MYO9B: variants seen among roughly 807,000 people sequenced by gnomAD.
MYO9B encodes unconventional myosin-IXb.
A neutral mutation model predicts 229.5 loss-of-function variants in MYO9B; 71 were observed. That is an observed-to-expected ratio of 0.31 (90% CI 0.26 to 0.38). MYO9B has a LOEUF of 0.38. Ranked by LOEUF, MYO9B falls within the 10% of genes least tolerant of loss-of-function variation. The pLI, the probability that MYO9B is intolerant of heterozygous loss-of-function variation, is 1.00. For missense variants in MYO9B, 2,255 were observed against 2,920.5 expected, an observed-to-expected ratio of 0.77 and a Z score of 5.25; for synonymous variants, 1,185 against 1,235.8, an observed-to-expected ratio of 0.96 and a Z score of 0.86.
rs771495404 is a variant in MYO9B at position 17,205,355 on chromosome 19, G to A, written c.5064+19G>A. 1.5e-5 allele frequency: 24 copies of A among 1,610,402 alleles called. No individual in the cohort carries two copies. Among genetic ancestry groups the A allele is most frequent in the Non-Finnish European group, 1.9e-5 (22 of 1,177,076 alleles). On this transcript the variant is annotated intron_variant, in intron 31 of 39. Coordinates refer to ENST00000682292, the MANE Select transcript of MYO9B (RefSeq NM_004145.4). Reference sequence around the variant, plus strand: ...GAGGAAGGTGAGTGTACGAGGCCTGGAACTTTCTACAATGACACTCCACTC... The same window carrying A: ...GAGGAAGGTGAGTGTACGAGGCCTGAAACTTTCTACAATGACACTCCACTC...
At position 17,101,923 on chromosome 19, in the gene MYO9B, A is replaced by G. The variant is rs1314521664; in HGVS notation, c.206A>G (p.Lys69Arg). ...AAATGTTATGTGCTGGTGGAGGTCA[A>G]AGAGTCGGGAGGCGAGGAATGGGTG... is the stretch of plus-strand genomic sequence containing the variant. ...GTKCYVLVEVKESGGEEWVLD... is the reference protein window; with the variant it reads ...GTKCYVLVEVRESGGEEWVLD... Residue 69 changes from lysine to arginine, a missense_variant, in exon 2 of 40, where the codon AAA (lysine) becomes AGA (arginine). Physicochemically the swap from Lys to Arg is conservative, Grantham distance 26. Coordinates refer to ENST00000682292, the MANE Select transcript of MYO9B (RefSeq NM_004145.4). This position sits in a 1 kb window ranked among gnomAD's most constrained non-coding sequence, Gnocchi z 4.7. 5 of 1,613,564 alleles carry G rather than the reference A, an allele frequency of 3.1e-6. No homozygotes were observed. Among genetic ancestry groups the G allele is most frequent in the South Asian group, 1.1e-5 (1 of 91,082 alleles).
intron 14 of MYO9B, chr19:17,178,035 G>A (rs1414731282): frequency 6.6e-6 from 1 of 152,344 alleles, no homozygotes; most frequent in Non-Finnish European, 1.5e-5. Flanking sequence ...ACTCCTGCCA[G>A]ATTTGCAGAT....
chr19:17,124,527 T>C (rs975272251), intron 2 of MYO9B, among the ~76,000 whole-genome samples: 5 of 151,908 alleles, frequency 3.3e-5, no homozygotes, highest in African/African-American at 1.2e-4. Flanking sequence ...ATCCCAGCAC[T>C]TTGGGAGGCC....
intron 1 of MYO9B, among the ~76,000 whole-genome samples, chr19:17,096,798 C>CT (rs2057697157): frequency 1.3e-5 from 2 of 149,980 alleles, no homozygotes; most frequent in Non-Finnish European, 3.0e-5. Context: ...CTCCGCCTTC[C>CT]GGGTTCACGC....
chr19:17,079,817 C>T (rs1031824767), intron 1 of MYO9B, among the ~76,000 whole-genome samples: 4 of 152,140 alleles, frequency 2.6e-5, no homozygotes, highest in South Asian at 2.1e-4. Context: ...CCTGCTCGGC[C>T]GGCCATTCAG....
At chr19:17,131,371 C>T (rs976675235) in intron 2 of MYO9B, among the ~76,000 whole-genome samples, 2 of 152,264 alleles carry the variant, frequency 1.3e-5, no homozygotes, top group Non-Finnish European at 2.9e-5. Flanking sequence ...CGCATTCAAG[C>T]GATTCTTCTG....
chr19:17,085,416 G>T (rs1383095664), intron 1 of MYO9B, among the ~76,000 whole-genome samples: 1 of 152,052 alleles, frequency 6.6e-6, no homozygotes, highest in East Asian at 1.9e-4. Context: ...GCCAGGTAGC[G>T]AGCCACCTAG....
At chr19:17,175,306 G>T (rs573819397) in intron 13 of MYO9B, among the ~76,000 whole-genome samples, 3 of 151,780 alleles carry the variant, frequency 2.0e-5, no homozygotes, top group East Asian at 1.9e-4. Context: ...AGGTTGGGGG[G>T]TGTTGCAGAG....
At chr19:17,122,954 G>A (rs1363434283) in intron 2 of MYO9B, among the ~76,000 whole-genome samples, 1 of 152,140 alleles carries the variant, frequency 6.6e-6, no homozygotes, top group East Asian at 1.9e-4. Flanking sequence ...AATTAAACAG[G>A]CGTGGTGGTG....
At chr19:17,179,744 A>G (rs1304267313) in intron 14 of MYO9B, among the ~76,000 whole-genome samples, 2 of 151,546 alleles carry the variant, frequency 1.3e-5, no homozygotes, top group Admixed American at 1.3e-4. Flanking sequence ...GAATTTAAAA[A>G]ATAAATAGGC....
At chr19:17,204,930 TC>T (rs751901417) in intron 30 of MYO9B, among the ~76,000 whole-genome samples, 19 of 151,992 alleles carry the variant, frequency 1.3e-4, no homozygotes, top group Non-Finnish European at 2.6e-4. Flanking sequence ...GGTGGGCAGA[TC>T]ACCTGAGGTC....
At chr19:17,202,402 C>T (rs2073117170) in intron 28 of MYO9B, 99 bp downstream of exon 28, 5 of 1,189,640 alleles carry the variant, frequency 4.2e-6, no homozygotes, top group Non-Finnish European at 5.9e-6. Flanking sequence ...CATGCTTATG[C>T]CACACCCACC....
At chr19:17,129,047 G>A (rs537743604) in intron 2 of MYO9B, among the ~76,000 whole-genome samples, 2 of 152,314 alleles carry the variant, frequency 1.3e-5, no homozygotes, top group South Asian at 4.1e-4. Context: ...CGTGGCTCAT[G>A]GCCTGAGCAG....
intron 8 of MYO9B, among the ~76,000 whole-genome samples, chr19:17,160,478 T>C (rs1029954643): frequency 3.3e-5 from 5 of 151,722 alleles, no homozygotes; most frequent in Admixed American, 6.6e-5. Flanking sequence ...ATTTATTCCA[T>C]ATAGATTAGA....
Position 17,194,786 on chromosome 19 carries a change from C to A in MYO9B, c.3359C>A (p.Ala1120Asp). ...PLEHSSPEKE[A>D]PSPEKTLPPQ... ...GAGCACTCCTCACCTGAGAAGGAGG[C>A]CCCAAGCCCAGAGAAGACTCTCCCA... Residue 1120 changes from alanine to aspartate, a missense_variant, in exon 22 of 40, where the codon GCC becomes GAC. Physicochemically the swap from Ala to Asp is moderately radical, Grantham distance 126 (BLOSUM62 -2). Around this residue, in one of 7 missense-constraint regions of MYO9B, gnomAD observed 679 missense variants for 770.2 expected, o/e 0.88. Coordinates refer to ENST00000682292, the MANE Select transcript of MYO9B (RefSeq NM_004145.4). 1 of 1,613,350 alleles carries A rather than the reference C, an allele frequency of 6.2e-7. No individual in the cohort carries two copies. Among genetic ancestry groups the A allele is most frequent in the Non-Finnish European group, 8.5e-7 (1 of 1,179,870 alleles).
At chr19:17,178,657 G>A (rs374516315) in intron 14 of MYO9B, among the ~76,000 whole-genome samples, 3 of 152,070 alleles carry the variant, frequency 2.0e-5, no homozygotes, top group South Asian at 2.1e-4. Flanking sequence ...CTCCGCGTGC[G>A]TGCTCAAGCC....
chr19:17,195,502 C>T lies in MYO9B; in HGVS notation c.4046+29C>T. On this transcript the variant is annotated intron_variant, in intron 22 of 39. Transcript: ENST00000682292. This position sits in a 1 kb window ranked among gnomAD's most constrained non-coding sequence, Gnocchi z 4.5. ...AGCCCCACACCCTCTTTTGTCTGAG[C>T]ACCAGGGTCCAGGCCAGGTGGGCAA... 2 of 1,558,002 alleles carry T rather than the reference C, an allele frequency of 1.3e-6. No homozygotes were observed. The highest frequency in any genetic ancestry group is 1.7e-6 in the Non-Finnish European group (2 of 1,159,264).
At position 17,156,915 on chromosome 19, in the gene MYO9B, T is replaced by C; in HGVS notation, c.1206T>C (p.Phe402=). 6.2e-7 allele frequency: 1 copy of C among 1,611,632 alleles called. No individual in the cohort carries two copies. Among genetic ancestry groups the C allele is most frequent in the Non-Finnish European group, 8.5e-7 (1 of 1,179,232 alleles). ...AGTGCCTTTTCTTTCCCAGGATTTT[T>C]GCCGTCCTCTCGGCCATCCTGTACC... ...GFLPATKKQI[F]AVLSAILYLG... The change falls in exon 7 of 40, where the codon TTT becomes TTC. Residue 402 remains phenylalanine, a synonymous_variant. Transcript: ENST00000682292.
intron 11 of MYO9B, among the ~76,000 whole-genome samples, chr19:17,169,802 C>CTCCTTTT (rs1555700072): frequency 6.6e-5 from 7 of 106,590 alleles, no homozygotes; most frequent in African/African-American, 1.7e-4. Flanking sequence ...CTGTCTCCTC[C>CTCCTTTT]TTTTTTTTTT....
Sources: allele counts gnomAD v4.1 joint callset (sites outside exome capture counted in the v4.1 genomes callset), GRCh38; gene constraint gnomAD v4.1.1; regional missense constraint gnomAD v4.1.1; non-coding constraint Gnocchi (gnomAD v3.1); transcripts MANE v1.5; gene names NCBI Gene and HGNC (gene_info 2026-07-23, HGNC 2026-07-21).